CPSF3: variants seen among roughly 807,000 people sequenced by gnomAD.
CPSF3 encodes cleavage and polyadenylation specific factor 3, also known as cleavage and polyadenylation specificity factor subunit 3.
CPSF3 carries 57 observed loss-of-function variants against 84.1 expected under a neutral mutation model. The ratio of observed to expected loss-of-function variants is 0.68; its 90% CI spans 0.55 to 0.85. CPSF3 has a LOEUF of 0.85. CPSF3 is among the 40% of genes least tolerant of loss of function. The pLI is 0.00. For missense variants in CPSF3, 522 were observed against 838.8 expected (o/e 0.62, Z 4.66); for synonymous variants, 275 against 278.1 (o/e 0.99, Z 0.11).
At chr2:9,459,088 G>A (rs1681634407) in intron 14 of CPSF3, among the ~76,000 whole-genome samples, 1 of 151,650 alleles carries the variant, frequency 6.6e-6, no homozygotes, top group Non-Finnish European at 1.5e-5. Context: ...CTCCAGCCTG[G>A]GCAATGGGAG....
chr2:9,462,268 G>T (rs1029227923), intron 15 of CPSF3, among the ~76,000 whole-genome samples: 1 of 152,078 alleles, frequency 6.6e-6, no homozygotes, highest in Non-Finnish European at 1.5e-5. Flanking sequence ...ATGCCACCAG[G>T]GTTGCTTTCT....
intron 14 of CPSF3, among the ~76,000 whole-genome samples, chr2:9,458,395 C>T (rs761864958): frequency 6.5e-4 from 98 of 151,732 alleles, no homozygotes; most frequent in Non-Finnish European, 1.2e-3. Context: ...CAGAGCGAGA[C>T]GCTGTCTCAA....
At position 9,423,668 on chromosome 2, in the gene CPSF3, TGGTGAATG is replaced by T. The variant is rs1295328623; in HGVS notation, c.-103_-96del. On this transcript the variant is annotated 5_prime_UTR_variant, in exon 1 of 18. The change abolishes an upstream ATG in the 5' untranslated region. Coordinates refer to ENST00000238112, the MANE Select transcript of CPSF3 (RefSeq NM_016207.4). ...TCCGGAGTGACGGAAGTTGTGCTCT[TGGTGAATG>T]GGGTTCTTCCTTTTTTATTTACCGG... The T allele has an allele frequency of 7.0e-7, 1 of 1,421,130 alleles. No homozygotes were observed. The highest frequency in any genetic ancestry group is 2.6e-5 in the East Asian group (1 of 39,148). The allele number at this position is 1,421,130 out of a possible 1,614,324, so 88.0% of individuals were successfully genotyped here. A position where few individuals can be genotyped will look rare whatever the true frequency, so the allele number is the denominator to read the frequency against.
chr2:9,436,228 C>G lies in CPSF3; in HGVS notation c.627C>G (p.Thr209=). The G allele has an allele frequency of 2.5e-6, 4 of 1,607,234 alleles. No individual in the cohort carries two copies. Among genetic ancestry groups the G allele is most frequent in the Non-Finnish European group, 3.4e-6 (4 of 1,176,956 alleles). ...TTATTTAGGAATCTACTTATGGGAC[C>G]CATATCCATGAGAAACGTGAAGAGC... ...DILIIESTYG[T]HIHEKREERE... Residue 209 remains threonine, a synonymous_variant, in exon 7 of 18, where the codon ACC becomes ACG. Transcript: ENST00000238112.
chr2:9,452,657 AGTTACTTGCTT>A (rs1681374233), intron 11 of CPSF3, among the ~76,000 whole-genome samples: 1 of 152,208 alleles, frequency 6.6e-6, no homozygotes, highest in Admixed American at 6.5e-5. Flanking sequence ...GCACCTAGTA[AGTTACTTGCTT>A]GTTGAACTGA....
chr2:9,442,935 G>C (rs913870602), intron 9 of CPSF3, among the ~76,000 whole-genome samples: 4 of 152,084 alleles, frequency 2.6e-5, no homozygotes, highest in Non-Finnish European at 5.9e-5. Flanking sequence ...GGCCACAGCA[G>C]GTGGATCACT....
chr2:9,433,967 AT>A lies in CPSF3; in HGVS notation c.609+9del. ...GCCTGATATTCTTATCATTGTAAGT[AT>A]TAATATACTATATTGTAATCAATGT... On this transcript the variant is annotated splice_region_variant and intron_variant, in intron 6 of 17. Transcript: ENST00000238112. 6.9e-7 allele frequency: 1 copy of A among 1,450,346 alleles called. No homozygotes were observed. Among genetic ancestry groups the A allele is most frequent in the Non-Finnish European group, 9.7e-7 (1 of 1,034,328 alleles). The allele number at this position is 1,450,346 out of a possible 1,614,324, so 89.8% of individuals were successfully genotyped here.
intron 4 of CPSF3, 52 bp downstream of exon 4, chr2:9,430,932 G>C (rs758292466): frequency 1.4e-6 from 2 of 1,407,068 alleles, no homozygotes; most frequent in African/African-American, 1.4e-5. Context: ...TGGCATGTAT[G>C]GTTCAAGATA....
At chr2:9,441,051 T>C (rs2124822739) in intron 8 of CPSF3, among the ~76,000 whole-genome samples, 1 of 152,374 alleles carries the variant, frequency 6.6e-6, no homozygotes, top group Non-Finnish European at 1.5e-5. Flanking sequence ...ATAATACTCA[T>C]CTCTTTTGCC....
intron 13 of CPSF3, among the ~76,000 whole-genome samples, chr2:9,455,971 TAAA>T (rs945409022): frequency 6.6e-6 from 1 of 151,970 alleles, no homozygotes; most frequent in African/African-American, 2.4e-5. Context: ...AATAAAAACT[TAAA>T]AAAAATTAAA....
rs1421633731 is a variant in CPSF3 at position 9,452,253 on chromosome 2, C to G, written c.1396-660C>G. 2.7e-5 allele frequency among the ~76,000 whole-genome samples: 4 copies of G among 149,040 alleles called. No homozygotes were observed. The Admixed American group carries it at 2.7e-4, about 10-fold the overall frequency. ...CTGAGGTGGGAGAATCGCTTGAACC[C>G]GGGAGGCAGAGGTTGCAGTGAGCTG... On this transcript the variant is annotated intron_variant, in intron 11 of 17. Coordinates refer to ENST00000238112, the MANE Select transcript of CPSF3 (RefSeq NM_016207.4).
chr2:9,450,958 A>G (rs1407200370), intron 11 of CPSF3, among the ~76,000 whole-genome samples: 1 of 151,814 alleles, frequency 6.6e-6, no homozygotes, highest in Non-Finnish European at 1.5e-5. Flanking sequence ...TACTGTCCAC[A>G]AAACTTTTCA....
intron 12 of CPSF3, among the ~76,000 whole-genome samples, chr2:9,453,612 G>T (rs757894957): frequency 1.1e-4 from 16 of 152,290 alleles, no homozygotes; most frequent in Non-Finnish European, 2.1e-4. Context: ...GAAAAATTGG[G>T]CAGGGTGCAG....
At position 9,453,015 on chromosome 2, in the gene CPSF3, C is replaced by T. The variant is rs1455891568; in HGVS notation, c.1498C>T (p.Leu500=). The T allele has an allele frequency of 1.3e-6, 2 of 1,586,614 alleles. No homozygotes were observed. Among genetic ancestry groups the T allele is most frequent in the Non-Finnish European group, 1.7e-6 (2 of 1,161,424 alleles). The part of the protein sequence containing the change: ...FNYHILSPCD[L]SNYTDLAMST... ...TTATCACATACTTTCTCCTTGCGAC[C>T]TGTCCAGTAAGTATACTATTAAATG... is the stretch of plus-strand genomic sequence containing the variant. The change falls in exon 12 of 18, where the codon CTG becomes TTG. Residue 500 remains leucine (L), a synonymous_variant. Coordinates refer to ENST00000238112, the MANE Select transcript of CPSF3 (RefSeq NM_016207.4).
At chr2:9,428,861 A>G in intron 2 of CPSF3, 33 bp downstream of exon 2, 1 of 1,301,132 alleles carries the variant, frequency 7.7e-7, no homozygotes, top group Non-Finnish European at 1.1e-6. Context: ...GTTTAATAGT[A>G]TGGCTCTGTC....
chr2:9,440,774 G>A, intron 8 of CPSF3, 108 bp downstream of exon 8: 1 of 1,080,090 alleles, frequency 9.3e-7, no homozygotes, highest in Non-Finnish European at 1.4e-6. Flanking sequence ...TTAGCACTTT[G>A]GGAGTCTAAG....
At chr2:9,454,005 G>A (rs1470152109) in intron 12 of CPSF3, among the ~76,000 whole-genome samples, 1 of 152,118 alleles carries the variant, frequency 6.6e-6, no homozygotes, top group Non-Finnish European at 1.5e-5. Context: ...TAAATTTACT[G>A]AGCCATCAAT....
chr2:9,466,194 GCT>G (rs1399813398), intron 15 of CPSF3, among the ~76,000 whole-genome samples: 1 of 145,136 alleles, frequency 6.9e-6, no homozygotes, highest in Non-Finnish European at 1.5e-5. Flanking sequence ...ACACACACGC[GCT>G]CACACACACA....
At chr2:9,438,074 A>G (rs1680847686) in intron 7 of CPSF3, among the ~76,000 whole-genome samples, 1 of 152,272 alleles carries the variant, frequency 6.6e-6, no homozygotes, top group South Asian at 2.1e-4. Flanking sequence ...AAACACTTGC[A>G]TCTTAGCTCA....
Sources: gnomAD v4.1 joint callset for allele counts (sites outside exome capture counted in the v4.1 genomes callset) on GRCh38, gnomAD v4.1.1 for gene constraint, MANE v1.5 for transcripts, NCBI Gene and HGNC (gene_info 2026-07-23, HGNC 2026-07-21) for gene names.